Variants in PTPRT observed in about 807,000 individuals in gnomAD.
PTPRT encodes the protein receptor-type tyrosine-protein phosphatase T.
In PTPRT, 56 loss-of-function variants were observed where a neutral mutation model predicts 176.8. The ratio of observed to expected loss-of-function variants is 0.32; its 90% CI spans 0.26 to 0.40. PTPRT has a LOEUF of 0.40. Among genes scored for constraint, PTPRT ranks in the 10% least tolerant of loss-of-function variants. PTPRT has a pLI of 1.00. For missense variants in PTPRT, 1,540 were observed against 1,908.2 expected (o/e 0.81, Z 3.60); for synonymous variants, 783 against 739.0 (o/e 1.06, Z -0.96).
At chr20:43,031,321 T>C (rs1350740375) in intron 1 of PTPRT, among the ~76,000 whole-genome samples, 1 of 152,094 alleles carries the variant, frequency 6.6e-6, no homozygotes, top group Non-Finnish European at 1.5e-5. Flanking sequence ...GCTGTTGGCA[T>C]CCACTACACA....
At chr20:42,952,039 A>C (rs1981286343) in intron 1 of PTPRT, among the ~76,000 whole-genome samples, 2 of 152,198 alleles carry the variant, frequency 1.3e-5, no homozygotes. Flanking sequence ...GAGGAATACT[A>C]AATGCTATTA....
At chr20:42,687,944 C>T (rs1016787187) in intron 6 of PTPRT, 2 of 152,270 alleles carry the variant, frequency 1.3e-5, no homozygotes, top group Admixed American at 1.3e-4. Flanking sequence ...TCATATCACA[C>T]CGGAAAGTAA....
intron 12 of PTPRT, among the ~76,000 whole-genome samples, chr20:42,300,963 T>TG (rs1555818626): frequency 5.1e-5 from 3 of 58,724 alleles, no homozygotes; most frequent in Non-Finnish European, 1.0e-4. Context: ...TGTTGTTGGG[T>TG]GGGGGGAAGG....
At chr20:42,839,008 G>A (rs6093744) in intron 2 of PTPRT, among the ~76,000 whole-genome samples, 1,975 of 152,154 alleles carry the variant, frequency 0.013, 38 homozygotes, top group African/African-American at 0.043. Flanking sequence ...CTTGCCATTG[G>A]CTACTTTAAG....
At chr20:42,983,842 C>T (rs1983413559) in intron 1 of PTPRT, among the ~76,000 whole-genome samples, 1 of 152,222 alleles carries the variant, frequency 6.6e-6, no homozygotes, top group East Asian at 1.9e-4. Flanking sequence ...CCCTGTTTAA[C>T]ATAGGTTGTA....
At chr20:43,160,716 C>T (rs368575666) in intron 1 of PTPRT, among the ~76,000 whole-genome samples, 28 of 152,066 alleles carry the variant, frequency 1.8e-4, no homozygotes, top group Middle Eastern at 3.4e-3. Context: ...TAATGGAAAA[C>T]AAAGTGTATT....
chr20:42,447,589 T>C (rs923018650), intron 9 of PTPRT, among the ~76,000 whole-genome samples: 1 of 152,222 alleles, frequency 6.6e-6, no homozygotes, highest in Non-Finnish European at 1.5e-5. Context: ...TGCAATAAAC[T>C]TTCATACAGT....
intron 1 of PTPRT, among the ~76,000 whole-genome samples, chr20:43,021,939 C>G (rs914471373): frequency 6.6e-5 from 10 of 152,140 alleles, no homozygotes; most frequent in Non-Finnish European, 1.2e-4. Context: ...CATGGTATCC[C>G]TGTTCCAGCC....
chr20:42,560,542 C>T (rs1398097580), intron 7 of PTPRT, among the ~76,000 whole-genome samples: 1 of 152,168 alleles, frequency 6.6e-6, no homozygotes, highest in East Asian at 1.9e-4. Context: ...GGAATATTGC[C>T]AATTTCTCAT....
chr20:42,605,285 T>C (rs2073856146), intron 7 of PTPRT, among the ~76,000 whole-genome samples: 2 of 152,228 alleles, frequency 1.3e-5, no homozygotes, highest in East Asian at 1.9e-4. Flanking sequence ...CAGCCTGCAG[T>C]AGGGGAGCTC....
chr20:42,372,615 T>A (rs1446273799), intron 9 of PTPRT, among the ~76,000 whole-genome samples: 4 of 152,196 alleles, frequency 2.6e-5, no homozygotes, highest in African/African-American at 9.6e-5. Context: ...AAAGGGTTTT[T>A]AATTCAATTT....
At chr20:42,809,621 A>G (rs920150511) in intron 2 of PTPRT, among the ~76,000 whole-genome samples, 1 of 151,902 alleles carries the variant, frequency 6.6e-6, no homozygotes, top group Non-Finnish European at 1.5e-5. Flanking sequence ...GCCGTGGGGG[A>G]AGTCTCTAGG....
Position 42,864,685 on chromosome 20 carries a change from G to T in PTPRT, c.214+21122C>A, listed in dbSNP as rs143115121. Among the ~76,000 whole-genome samples the T allele has an allele frequency of 2.0e-5, 3 of 152,156 alleles. No individual in the cohort carries two copies. The East Asian group carries it at 5.8e-4, about 29-fold the overall frequency. On this transcript the variant is annotated intron_variant, in intron 2 of 30. Coordinates refer to ENST00000373187, the MANE Select transcript of PTPRT (RefSeq NM_007050.6). ...GCTATAGTGTCCCTGAACCTTGAAC[G>T]TGTATATGCCTCTGGAATCTCTTTT... is the stretch of plus-strand genomic sequence containing the variant.
At chr20:42,883,650 G>A (rs1305392436) in intron 2 of PTPRT, among the ~76,000 whole-genome samples, 3 of 12,546 alleles carry the variant, frequency 2.4e-4, no homozygotes, top group African/African-American at 9.1e-4. Context: ...TGCACACACC[G>A]CCATATACAC....
At chr20:42,486,072 C>G (rs1019819147) in intron 7 of PTPRT, among the ~76,000 whole-genome samples, 1 of 152,178 alleles carries the variant, frequency 6.6e-6, no homozygotes, top group African/African-American at 2.4e-5. Context: ...TTGCCTCACT[C>G]ACTTGCGAAG....
intron 7 of PTPRT, among the ~76,000 whole-genome samples, chr20:42,600,823 A>G (rs2073767308): frequency 6.6e-6 from 1 of 152,178 alleles, no homozygotes. Context: ...TCCATGGTAT[A>G]TATGCAACAC....
At chr20:42,072,477 G>A (rs1031056406), downstream of PTPRT, among the ~76,000 whole-genome samples, 2 of 152,166 alleles carry the variant, frequency 1.3e-5, no homozygotes, top group Non-Finnish European at 2.9e-5. Flanking sequence ...GTTTAACAAA[G>A]TTCCCAGTGA....
At chr20:43,017,998 G>A (rs961254105) in intron 1 of PTPRT, among the ~76,000 whole-genome samples, 4 of 152,198 alleles carry the variant, frequency 2.6e-5, no homozygotes, top group Non-Finnish European at 5.9e-5. Context: ...TCTGCCTAAC[G>A]TGCCTGGATG....
intron 11 of PTPRT, among the ~76,000 whole-genome samples, chr20:42,316,995 T>G (rs898599220): frequency 6.6e-6 from 1 of 152,204 alleles, no homozygotes; most frequent in South Asian, 2.1e-4. Flanking sequence ...AAAGTAGGCA[T>G]TGTTGCTTAC....
Sources: allele counts gnomAD v4.1 joint callset (sites outside exome capture counted in the v4.1 genomes callset), GRCh38; gene constraint gnomAD v4.1.1; transcripts MANE v1.5; gene names NCBI Gene and HGNC (gene_info 2026-07-23, HGNC 2026-07-21).